Variants in RUFY1 observed in about 807,000 individuals in gnomAD.
RUFY1 encodes RUN and FYVE domain-containing protein 1.
In RUFY1, 54 loss-of-function variants were observed where a neutral mutation model predicts 94.6. The ratio of observed to expected loss-of-function variants is 0.57; its 90% CI spans 0.46 to 0.72. The LOEUF is 0.72. RUFY1 is among the 30% of genes least tolerant of loss of function. The pLI is 0.00. For missense variants in RUFY1, 883 were observed against 883.9 expected, an observed-to-expected ratio of 1.00 and a Z score of 0.01; for synonymous variants, 396 against 347.3, an observed-to-expected ratio of 1.14 and a Z score of -1.56.
At chr5:179,567,274 G>A (rs1403485656) in intron 3 of RUFY1, among the ~76,000 whole-genome samples, 187 bp from the exon 4 acceptor site, 1 of 152,176 alleles carries the variant, frequency 6.6e-6, no homozygotes, top group Non-Finnish European at 1.5e-5. Context: ...TCAAAGGTAT[G>A]TGGTGAGCCA....
intron 2 of RUFY1, among the ~76,000 whole-genome samples, chr5:179,561,930 C>G (rs1225711908): frequency 1.3e-5 from 2 of 150,332 alleles, no homozygotes; most frequent in Non-Finnish European, 3.0e-5. Flanking sequence ...GTGATCCACC[C>G]GTCTCGGCCT....
chr5:179,575,735 A>G (rs1226226692), intron 5 of RUFY1, among the ~76,000 whole-genome samples: 2 of 151,984 alleles, frequency 1.3e-5, no homozygotes, highest in Non-Finnish European at 2.9e-5. Context: ...CTATAATGAG[A>G]TTGTACATAT....
intron 6 of RUFY1, among the ~76,000 whole-genome samples, chr5:179,580,180 G>A (rs371419115): frequency 9.2e-4 from 138 of 149,698 alleles, no homozygotes; most frequent in Middle Eastern, 3.5e-3. Context: ...CATATATCCC[G>A]TTTTTGTAAA....
chr5:179,554,701 C>T lies in RUFY1; in HGVS notation c.310+3822C>T, dbSNP rs555917045. Among the ~76,000 whole-genome samples, 16 of 152,018 alleles carry T rather than the reference C, an allele frequency of 1.1e-4. No homozygotes were observed. The East Asian group carries it at 1.2e-3, about 11-fold the overall frequency. On this transcript the variant is annotated intron_variant, in intron 1 of 17. Coordinates refer to ENST00000319449, the MANE Select transcript of RUFY1 (RefSeq NM_025158.5). ...AAGAACATTCGGACAGGCATGGTGG[C>T]TCATGCCTGTAATCCCAGCACTTTG...
intron 7 of RUFY1, among the ~76,000 whole-genome samples, chr5:179,584,893 T>C (rs1326385691): frequency 1.3e-5 from 2 of 152,202 alleles, no homozygotes; most frequent in Non-Finnish European, 2.9e-5. Context: ...CCCAGCACTT[T>C]GGGAGGCCGA....
intron 8 of RUFY1, among the ~76,000 whole-genome samples, chr5:179,587,402 A>T: frequency 4.4e-5 from 4 of 90,038 alleles, no homozygotes; most frequent in Admixed American, 1.3e-4. Flanking sequence ...TTTTTTTGAG[A>T]CAGAGTCTTG....
chr5:179,609,314 G>T, intron 17 of RUFY1, 62 bp from the exon 18 acceptor site: 1 of 1,566,394 alleles, frequency 6.4e-7, no homozygotes, highest in Non-Finnish European at 8.7e-7. Context: ...TCAGGAAGCA[G>T]GGAGGGTGTG....
chr5:179,574,410 AAAAAT>A (rs1343042697), intron 5 of RUFY1, among the ~76,000 whole-genome samples: 1 of 152,194 alleles, frequency 6.6e-6, no homozygotes, highest in East Asian at 1.9e-4. Flanking sequence ...AAATAAACAT[AAAAAT>A]AAAATAAACT....
chr5:179,592,218 C>A (rs1352356724), intron 10 of RUFY1, among the ~76,000 whole-genome samples: 1 of 152,034 alleles, frequency 6.6e-6, no homozygotes. Flanking sequence ...CTCCCAGGTT[C>A]AAGCAATTCT....
At chr5:179,594,157 C>T (rs1214481742) in intron 11 of RUFY1, among the ~76,000 whole-genome samples, 1 of 151,956 alleles carries the variant, frequency 6.6e-6, no homozygotes, top group Non-Finnish European at 1.5e-5. Flanking sequence ...CAAAAATTAG[C>T]TGGGCATGGA....
At chr5:179,584,963 G>A (rs1423966358) in intron 7 of RUFY1, among the ~76,000 whole-genome samples, 3 of 151,792 alleles carry the variant, frequency 2.0e-5, no homozygotes, top group Admixed American at 6.6e-5. Flanking sequence ...GTGAAACCCC[G>A]TCTCTACTAA....
chr5:179,566,338 G>A (rs1561981154), intron 3 of RUFY1, among the ~76,000 whole-genome samples: 2 of 151,636 alleles, frequency 1.3e-5, no homozygotes. Flanking sequence ...CAAGATTGGG[G>A]CCAGGCCTGT....
chr5:179,587,329 C>T (rs1398823415), intron 8 of RUFY1, among the ~76,000 whole-genome samples: 3 of 151,562 alleles, frequency 2.0e-5, no homozygotes. Context: ...GCTAGGATTA[C>T]AGACATGAGT....
chr5:179,586,483 TCCCCGGCTG>T (rs1050382623), intron 8 of RUFY1: 1 of 455,242 alleles, frequency 2.2e-6, no homozygotes, highest in Non-Finnish European at 4.4e-6. Flanking sequence ...CAGGTAGCAG[TCCCCGGCTG>T]CCCAGGCCTC....
intron 10 of RUFY1, among the ~76,000 whole-genome samples, chr5:179,592,860 G>A (rs1302600198): frequency 6.6e-6 from 1 of 152,178 alleles, no homozygotes; most frequent in African/African-American, 2.4e-5. Context: ...ACTCAAACGA[G>A]ACAGATATTC....
At chr5:179,603,272 A>G (rs1334237543) in intron 15 of RUFY1, among the ~76,000 whole-genome samples, 17 of 151,764 alleles carry the variant, frequency 1.1e-4, no homozygotes. Flanking sequence ...TCTCAAAAAA[A>G]AAAAACAAAT....
In RUFY1 at chr5:179,560,112, G is replaced by A. The variant is rs1312117563; in HGVS notation, c.398G>A (p.Ser133Asn). 6.2e-7 allele frequency: 1 copy of A among 1,614,034 alleles called. No individual in the cohort carries two copies. The highest frequency in any genetic ancestry group is 8.5e-7 in the Non-Finnish European group (1 of 1,180,006). The change falls in exon 2 of 18, where the codon AGC (serine) becomes AAC (asparagine). Residue 133 changes from serine (S) to asparagine (N), a missense_variant. Coordinates refer to ENST00000319449, the MANE Select transcript of RUFY1 (RefSeq NM_025158.5). ...AAGGTGTTGCTCCAGTCGGCTCTGA[G>A]CCTGGGCCGCAGCCTGGATGCGGAC... is the stretch of plus-strand genomic sequence containing the variant. ...SIKVLLQSAL[S>N]LGRSLDADHA...
intron 3 of RUFY1, among the ~76,000 whole-genome samples, chr5:179,565,407 GACCTCAGGTGATCC>G (rs1375088650): frequency 2.6e-5 from 4 of 151,864 alleles, no homozygotes; most frequent in African/African-American, 9.7e-5. Flanking sequence ...TCAAACTCTT[GACCTCAGGTGATCC>G]ACCCCACTTG....
chr5:179,551,113 T>C (rs921542390), intron 1 of RUFY1, among the ~76,000 whole-genome samples: 10 of 151,902 alleles, frequency 6.6e-5, no homozygotes, highest in African/African-American at 2.2e-4. Context: ...GCCTCTATGC[T>C]CTCCCACTAA....
Sources: gnomAD v4.1 joint callset for allele counts (sites outside exome capture counted in the v4.1 genomes callset) on GRCh38, gnomAD v4.1.1 for gene constraint, MANE v1.5 for transcripts, NCBI Gene and HGNC (gene_info 2026-07-23, HGNC 2026-07-21) for gene names.